The following SNX25 variants were observed in gnomAD, a reference collection of about 807,000 sequenced individuals.
SNX25 encodes the protein sorting nexin 25, also known as sorting nexin-25.
A neutral mutation model predicts 113.7 loss-of-function variants in SNX25; 62 were observed. The observed-to-expected ratio is 0.55, with a 90% CI of 0.44 to 0.67. The LOEUF (loss-of-function observed/expected upper bound fraction) is 0.67, where lower values mean the gene tolerates loss of function less well. Among genes scored for constraint, SNX25 ranks in the 30% least tolerant of loss-of-function variants. The pLI, the probability that SNX25 is intolerant of heterozygous loss-of-function variation, is 0.00. For synonymous variants in SNX25, 421 were observed against 436.2 expected (o/e 0.97, Z 0.43); for missense variants, 1,014 against 1,161.0 (o/e 0.87, Z 1.84).
At chr4:185,368,992 C>A (rs2095404017) in intron 11 of SNX25, among the ~76,000 whole-genome samples, 1 of 151,742 alleles carries the variant, frequency 6.6e-6, no homozygotes, top group Non-Finnish European at 1.5e-5. Flanking sequence ...TGGGATTTTG[C>A]CATATTGGAC....
chr4:185,330,158 G>C (rs2095184091), intron 9 of SNX25, among the ~76,000 whole-genome samples: 1 of 152,160 alleles, frequency 6.6e-6, no homozygotes, highest in South Asian at 2.1e-4. Flanking sequence ...AGTATTTATT[G>C]GTTTTAGGGT....
At chr4:185,303,426 G>A (rs1398921038) in intron 6 of SNX25, among the ~76,000 whole-genome samples, 2 of 152,064 alleles carry the variant, frequency 1.3e-5, no homozygotes, top group South Asian at 2.1e-4. Flanking sequence ...TTGGGAGGCC[G>A]AGGTGGGTGG....
chr4:185,325,044 G>C (rs564939614), intron 9 of SNX25, among the ~76,000 whole-genome samples: 1 of 152,314 alleles, frequency 6.6e-6, no homozygotes, highest in South Asian at 2.1e-4. Context: ...CCAATGCTAT[G>C]ATTTTGTTTC....
intron 1 of SNX25, among the ~76,000 whole-genome samples, chr4:185,244,788 T>TA (rs927271773): frequency 4.6e-5 from 7 of 151,868 alleles, no homozygotes; most frequent in African/African-American, 1.5e-4. Flanking sequence ...CTTAAGGTTT[T>TA]AAAAAAAAAT....
intron 12 of SNX25, among the ~76,000 whole-genome samples, chr4:185,346,005 G>A (rs1212754515): frequency 1.3e-5 from 2 of 152,222 alleles, no homozygotes; most frequent in East Asian, 3.9e-4. Flanking sequence ...TTACAAGCAT[G>A]TGCCATCACG....
At chr4:185,377,941 C>A in the SNX25 span, 1 of 668,522 alleles carries the variant, frequency 1.5e-6, no homozygotes, top group East Asian at 2.9e-5. Flanking sequence ...CAGATTCTTG[C>A]GGGAAAACTC....
At chr4:185,303,864 T>C (rs1293456624) in intron 6 of SNX25, among the ~76,000 whole-genome samples, 4 of 152,100 alleles carry the variant, frequency 2.6e-5, no homozygotes, top group Admixed American at 1.3e-4. Context: ...CTCAGGTGTT[T>C]AGAGTGGTAA....
At chr4:185,315,237 G>A (rs111321352) in intron 7 of SNX25, among the ~76,000 whole-genome samples, 17,659 of 72,172 alleles carry the variant, frequency 0.24, 1,580 homozygotes, top group South Asian at 0.37. Flanking sequence ...CAAAAAAAAA[G>A]AAAAGAAAAG....
chr4:185,263,458 T>G lies in SNX25; in HGVS notation c.732-980T>G, dbSNP rs1579529039. Among the ~76,000 whole-genome samples, 3 of 152,156 alleles carry G rather than the reference T, an allele frequency of 2.0e-5. No homozygotes were observed. In the East Asian group the frequency reaches 5.8e-4, roughly 29 times the overall value. ...TAAAGGCTTATTCTAAAAATTTCCTTTCATGTTGCTGGCTTTACACATTAG... is the reference window on the plus strand; with the variant it reads ...TAAAGGCTTATTCTAAAAATTTCCTGTCATGTTGCTGGCTTTACACATTAG... On this transcript the variant is annotated intron_variant, in intron 3 of 18. Coordinates refer to ENST00000652585, the MANE Select transcript of SNX25 (RefSeq NM_001378034.2).
intron 5 of SNX25, among the ~76,000 whole-genome samples, chr4:185,286,406 C>T (rs184814501): frequency 7.3e-4 from 111 of 152,272 alleles, no homozygotes; most frequent in African/African-American, 2.6e-3. Context: ...CCACTGTGCC[C>T]GGCCTGGCCT....
chr4:185,296,210 T>TG (rs1160615814), intron 6 of SNX25, among the ~76,000 whole-genome samples: 1 of 151,974 alleles, frequency 6.6e-6, no homozygotes, highest in Non-Finnish European at 1.5e-5. Context: ...AGGCCCCACC[T>TG]GATAATACTG....
At chr4:185,290,688 C>T (rs577714307) in intron 6 of SNX25, among the ~76,000 whole-genome samples, 24 of 149,016 alleles carry the variant, frequency 1.6e-4, no homozygotes, top group African/African-American at 5.0e-4. Context: ...ACTCTTAATA[C>T]GGTGTATTCT....
intron 2 of SNX25, among the ~76,000 whole-genome samples, chr4:185,247,901 T>C (rs1372723907): frequency 6.6e-6 from 1 of 152,172 alleles, no homozygotes; most frequent in Non-Finnish European, 1.5e-5. Flanking sequence ...ATATTAAAAT[T>C]TTAAAAAATA....
At chr4:185,237,153 G>GA (rs34565505) in intron 1 of SNX25, among the ~76,000 whole-genome samples, 1,941 of 151,016 alleles carry the variant, frequency 0.013, 44 homozygotes, top group African/African-American at 0.044. Flanking sequence ...GACTAAGAGG[G>GA]AAAAAAAGGC....
chr4:185,294,676 TGC>T (rs1752612483), intron 6 of SNX25, among the ~76,000 whole-genome samples: 2 of 152,342 alleles, frequency 1.3e-5, no homozygotes, highest in African/African-American at 4.8e-5. Context: ...AAGCTGATGC[TGC>T]CGCATTATTA....
chr4:185,240,435 G>A (rs75088865), intron 1 of SNX25, among the ~76,000 whole-genome samples: 12 of 150,870 alleles, frequency 8.0e-5, no homozygotes, highest in African/African-American at 2.2e-4. Flanking sequence ...GCGGCTGGCC[G>A]GGCAGAGGGG....
chr4:185,288,349 A>G (rs900847762), intron 6 of SNX25, among the ~76,000 whole-genome samples: 4 of 152,126 alleles, frequency 2.6e-5, no homozygotes, highest in African/African-American at 9.7e-5. Flanking sequence ...CATTCAGTAT[A>G]TGTTTCTGTT....
chr4:185,349,795 G>T (rs191926067), intron 13 of SNX25, among the ~76,000 whole-genome samples: 1 of 152,068 alleles, frequency 6.6e-6, no homozygotes, highest in Non-Finnish European at 1.5e-5. Flanking sequence ...ATAATTTAAG[G>T]CCAAAGATTT....
At chr4:185,302,100 G>T (rs572285598) in intron 6 of SNX25, among the ~76,000 whole-genome samples, 2,202 of 129,728 alleles carry the variant, frequency 0.017, 34 homozygotes, top group South Asian at 0.052. Context: ...TGTTTTTTTT[G>T]TTTTTTTTTT....
Sources: allele counts gnomAD v4.1 joint callset (sites outside exome capture counted in the v4.1 genomes callset), GRCh38; gene constraint gnomAD v4.1.1; transcripts MANE v1.5; gene names NCBI Gene and HGNC (gene_info 2026-07-23, HGNC 2026-07-21).